SOX5: variants seen among roughly 807,000 people sequenced by gnomAD.
SOX5 encodes SRY-box transcription factor 5, also known as transcription factor SOX-5.
In SOX5, 9 loss-of-function variants were observed where a neutral mutation model predicts 92.0. The ratio of observed to expected loss-of-function variants is 0.10; its 90% confidence interval spans 0.06 to 0.17. The LOEUF (loss-of-function observed/expected upper bound fraction) is 0.17, where lower values mean the gene tolerates loss of function less well. Among genes scored for constraint, SOX5 ranks in the 10% least tolerant of loss-of-function variants. The pLI is 1.00. For synonymous variants in SOX5, 344 were observed against 336.3 expected (o/e 1.02, Z -0.25); for missense variants, 642 against 944.5 (o/e 0.68, Z 4.20).
intron 8 of SOX5, among the ~76,000 whole-genome samples, chr12:23,615,027 C>T (rs2076389395): frequency 6.6e-6 from 1 of 152,148 alleles, no homozygotes; most frequent in African/African-American, 2.4e-5. Context: ...TGTTCTCGAA[C>T]TCCTGACCTC....
intron 2 of SOX5, among the ~76,000 whole-genome samples, chr12:24,363,623 A>G (rs1955841188): frequency 6.6e-6 from 1 of 152,174 alleles, no homozygotes; most frequent in Non-Finnish European, 1.5e-5. Context: ...ATAATCATAA[A>G]TCATTTACAT....
intron 6 of SOX5, among the ~76,000 whole-genome samples, chr12:23,693,725 C>A (rs1445061648): frequency 6.6e-6 from 1 of 152,118 alleles, no homozygotes; most frequent in Non-Finnish European, 1.5e-5. Flanking sequence ...TTACTCTCAA[C>A]CAAATACAAG....
At chr12:24,228,677 T>C (rs187445249) in intron 3 of SOX5, among the ~76,000 whole-genome samples, 168 of 152,262 alleles carry the variant, frequency 1.1e-3, no homozygotes, top group African/African-American at 3.9e-3. Flanking sequence ...TGTGCGTGTG[T>C]GTGTCTGTCT....
chr12:24,512,420 C>T (rs1949406012), intron 1 of SOX5, among the ~76,000 whole-genome samples: 2 of 152,194 alleles, frequency 1.3e-5, no homozygotes, highest in South Asian at 2.1e-4. Flanking sequence ...TTAACAACTG[C>T]CTCTTATTTT....
At chr12:24,269,688 C>CTTTTTTTTTTTTTTTT (rs58098308) in intron 3 of SOX5, among the ~76,000 whole-genome samples, 3 of 116,760 alleles carry the variant, frequency 2.6e-5, no homozygotes, top group Non-Finnish European at 3.4e-5. Context: ...TATTTTTATT[C>CTTTTTTTTTTTTTTTT]TTTTTTTTTT....
At chr12:23,917,531 T>G (rs2097429920) in intron 1 of SOX5, among the ~76,000 whole-genome samples, 1 of 151,768 alleles carries the variant, frequency 6.6e-6, no homozygotes, top group Admixed American at 6.6e-5. Context: ...CCAGCCTGGG[T>G]GAAAGAATGA....
chr12:24,040,757 C>T (rs1417926439), intron 4 of SOX5, among the ~76,000 whole-genome samples: 1 of 152,134 alleles, frequency 6.6e-6, no homozygotes, highest in Non-Finnish European at 1.5e-5. Flanking sequence ...CCTGTAGTCC[C>T]AGTTCCTCGG....
intron 3 of SOX5, among the ~76,000 whole-genome samples, chr12:23,811,923 T>C (rs955237864): frequency 4.4e-4 from 67 of 152,248 alleles, no homozygotes; most frequent in African/African-American, 1.5e-3. Flanking sequence ...AACTTCAGAA[T>C]ATATGAAAAG....
At chr12:23,718,680 T>A (rs2092644986) in intron 6 of SOX5, among the ~76,000 whole-genome samples, 1 of 152,196 alleles carries the variant, frequency 6.6e-6, no homozygotes, top group Admixed American at 6.5e-5. Flanking sequence ...AACAACAAAT[T>A]GAGTTTTAAT....
At chr12:23,604,159 A>T in intron 9 of SOX5, 1 of 440,458 alleles carries the variant, frequency 2.3e-6, no homozygotes, top group East Asian at 3.5e-5. Flanking sequence ...TTTATCTCTC[A>T]CATTTTCTAC....
chr12:24,104,567 A>G (rs1276807014), intron 4 of SOX5, among the ~76,000 whole-genome samples: 1 of 152,236 alleles, frequency 6.6e-6, no homozygotes, highest in Non-Finnish European at 1.5e-5. Context: ...TGACATCATT[A>G]TCATTATTTT....
rs139939969 is a variant in SOX5, at chr12:24,196,514, G to A, written c.-2+16829C>T. Among the ~76,000 whole-genome samples the A allele has an allele frequency of 8.9e-4, 136 of 152,240 alleles. No homozygotes were observed. The Middle Eastern group carries it at 0.014, about 15-fold the overall frequency. On this transcript the variant is annotated intron_variant, in intron 4 of 4. Coordinates refer to the SOX5 transcript ENST00000446891. Reference sequence around the variant, plus strand: ...AAAAGATAAAGTTAACTTTTTTAAGGGGGGGTCAACCAGATGAAGAAGCCA... The same window carrying A: ...AAAAGATAAAGTTAACTTTTTTAAGAGGGGGTCAACCAGATGAAGAAGCCA...
At chr12:24,148,814 C>T (rs1189167682) in intron 4 of SOX5, among the ~76,000 whole-genome samples, 7 of 151,660 alleles carry the variant, frequency 4.6e-5, no homozygotes, top group African/African-American at 1.7e-4. Flanking sequence ...CTCTTCAGCC[C>T]AGGAGTTTGA....
intron 4 of SOX5, among the ~76,000 whole-genome samples, chr12:24,133,564 G>A (rs778787187): frequency 2.6e-5 from 4 of 152,100 alleles, no homozygotes; most frequent in East Asian, 3.9e-4. Flanking sequence ...CCTGGTGTGC[G>A]GCTCTTCAAA....
At chr12:24,344,319 G>A (rs553223) in intron 2 of SOX5, among the ~76,000 whole-genome samples, 125,299 of 146,844 alleles carry the variant, frequency 0.85, 53,692 homozygotes, top group East Asian at 0.98. Context: ...AATCAAGTAA[G>A]ATACAAATGG....
chr12:23,892,245 T>A (rs746797669), intron 2 of SOX5, among the ~76,000 whole-genome samples: 1 of 152,100 alleles, frequency 6.6e-6, no homozygotes, highest in African/African-American at 2.4e-5. Context: ...TTGAACTGAG[T>A]CTTATGGGAG....
chr12:23,600,489 T>G (rs2074296588), intron 9 of SOX5, among the ~76,000 whole-genome samples: 2 of 130,702 alleles, frequency 1.5e-5, no homozygotes, highest in Admixed American at 8.4e-5. Context: ...TATCATCCAG[T>G]CTTTGGCAAG....
At chr12:24,236,095 G>A (rs896449825) in intron 3 of SOX5, among the ~76,000 whole-genome samples, 4 of 152,126 alleles carry the variant, frequency 2.6e-5, no homozygotes, top group African/African-American at 9.7e-5. Flanking sequence ...GGGAGGCTGA[G>A]GCAGGAGAAT....
At chr12:23,570,931 ATATATATATATATATATATATAT>A (rs1178164778) in intron 10 of SOX5, among the ~76,000 whole-genome samples, 1,582 of 16,796 alleles carry the variant, frequency 0.094, 300 homozygotes, top group Middle Eastern at 0.17. Context: ...AAAAAAAAAA[ATATATATATATATATATATATAT>A]ATATATATAT....
Sources: gnomAD v4.1 joint callset for allele counts (sites outside exome capture counted in the v4.1 genomes callset) on GRCh38, gnomAD v4.1.1 for gene constraint, MANE v1.5 for transcripts, NCBI Gene and HGNC (gene_info 2026-07-23, HGNC 2026-07-21) for gene names.